FILIP1: variants seen among roughly 807,000 people sequenced by gnomAD.
FILIP1 encodes filamin A interacting protein 1.
A neutral mutation model predicts 102.1 loss-of-function variants in FILIP1; 61 were observed. The ratio of observed to expected loss-of-function variants is 0.60; its 90% CI spans 0.49 to 0.74. FILIP1 has a LOEUF of 0.74. Ranked by LOEUF, FILIP1 falls within the 30% of genes least tolerant of loss-of-function variation. The pLI is 0.00. For missense variants in FILIP1, 1,314 were observed against 1,441.2 expected (o/e 0.91, Z 1.43); for synonymous variants, 491 against 526.9 (o/e 0.93, Z 0.93).
At chr6:75,319,370 A>T in intron 4 of FILIP1, 1 of 628,082 alleles carries the variant, frequency 1.6e-6, no homozygotes, top group African/African-American at 1.8e-5. Context: ...AGGCCGAAGG[A>T]GAGCTCTTGG....
At chr6:75,457,775 A>G (rs1044598290) in intron 1 of FILIP1, among the ~76,000 whole-genome samples, 1 of 152,182 alleles carries the variant, frequency 6.6e-6, no homozygotes, top group Non-Finnish European at 1.5e-5. Context: ...TCTTTTTTGA[A>G]TAGCTAGATC....
At chr6:75,492,348 T>C (rs1379073976) in intron 1 of FILIP1, among the ~76,000 whole-genome samples, 2 of 152,230 alleles carry the variant, frequency 1.3e-5, no homozygotes, top group Non-Finnish European at 2.9e-5. Flanking sequence ...TTTCTTTACA[T>C]TGATAGAATA....
At chr6:75,345,104 A>C (rs1774533082) in intron 4 of FILIP1, among the ~76,000 whole-genome samples, 1 of 152,206 alleles carries the variant, frequency 6.6e-6, no homozygotes, top group Admixed American at 6.5e-5. Flanking sequence ...AATAAGAGAT[A>C]TCAAACACCA....
intron 1 of FILIP1, among the ~76,000 whole-genome samples, chr6:75,427,160 A>G (rs1234120528): frequency 6.6e-6 from 1 of 152,194 alleles, no homozygotes; most frequent in East Asian, 1.9e-4. Flanking sequence ...CATGAATGTA[A>G]TAACAACAAA....
intron 1 of FILIP1, among the ~76,000 whole-genome samples, chr6:75,437,300 A>G (rs1037071539): frequency 6.6e-6 from 1 of 152,236 alleles, no homozygotes; most frequent in African/African-American, 2.4e-5. Flanking sequence ...CTAGGGAGAA[A>G]ATATGTGAGT....
At position 75,313,896 on chromosome 6, in the gene FILIP1, A is replaced by G; in HGVS notation, c.1936T>C (p.Leu646=). 1 of 1,613,864 alleles carries G rather than the reference A, an allele frequency of 6.2e-7. No individual in the cohort carries two copies. Among genetic ancestry groups the G allele is most frequent in the Non-Finnish European group, 8.5e-7 (1 of 1,179,950 alleles). Residue 646 remains leucine, a synonymous_variant, in exon 5 of 6, where the codon TTG becomes CTG. Transcript: ENST00000237172. This position sits in a 1 kb window ranked among gnomAD's most constrained non-coding sequence, Gnocchi z 4.2. The part of the protein sequence containing the change: ...IERLKKRLQQ[L]EVVEGDLMKT... ...ATCAAATCCCCTTCGACCACTTCCA[A>G]TTGTTGGAGACGTTTCTTCAGTCTC...
rs138728894 is a variant in FILIP1, at chr6:75,407,517, C to T, written c.276+7180G>A. 7.2e-3 allele frequency among the ~76,000 whole-genome samples: 1,101 copies of T among 152,318 alleles called. 9 individuals are homozygous for T. Among genetic ancestry groups the T allele is most frequent in the African/African-American group, 0.024 (1,002 of 41,572 alleles). On this transcript the variant is annotated intron_variant, in intron 2 of 5. Transcript: ENST00000237172. Reference sequence around the variant, plus strand: ...CTGGGATTACAGGCGTGAGCCACCGCGCCCGACCTTATAAATTATTTTTGA... The same window carrying T: ...CTGGGATTACAGGCGTGAGCCACCGTGCCCGACCTTATAAATTATTTTTGA...
chr6:75,337,590 A>G (rs1774286456), intron 4 of FILIP1, among the ~76,000 whole-genome samples: 1 of 152,024 alleles, frequency 6.6e-6, no homozygotes, highest in Non-Finnish European at 1.5e-5. Flanking sequence ...CAGAAATTCA[A>G]GAAGTGGATG....
At chr6:75,361,324 A>C (rs1775166466) in intron 3 of FILIP1, among the ~76,000 whole-genome samples, 1 of 152,196 alleles carries the variant, frequency 6.6e-6, no homozygotes, top group South Asian at 2.1e-4. Context: ...ATCCTGGGTA[A>C]GCGTGTATGC....
chr6:75,362,703 G>A (rs1775207026), intron 3 of FILIP1, 41 bp downstream of exon 3: 2 of 1,591,038 alleles, frequency 1.3e-6, no homozygotes, highest in Non-Finnish European at 1.7e-6. Context: ...ATATCTCCCT[G>A]AGGTTCCCAT....
chr6:75,482,392 C>T (rs1178230496), intron 1 of FILIP1, among the ~76,000 whole-genome samples: 1 of 152,208 alleles, frequency 6.6e-6, no homozygotes, highest in Non-Finnish European at 1.5e-5. Flanking sequence ...TGCTTTACCA[C>T]TTGTAGAGGA....
At chr6:75,418,628 G>A (rs1777349982) in intron 1 of FILIP1, among the ~76,000 whole-genome samples, 1 of 152,154 alleles carries the variant, frequency 6.6e-6, no homozygotes, top group South Asian at 2.1e-4. Context: ...TGATTGCATG[G>A]CTGCAAGTTT....
chr6:75,427,365 T>C (rs1480887407), intron 1 of FILIP1, among the ~76,000 whole-genome samples: 1 of 152,178 alleles, frequency 6.6e-6, no homozygotes, highest in Middle Eastern at 3.2e-3. Context: ...GGTTACAGTT[T>C]TATAAACTAT....
chr6:75,372,671 AAGAAAGAAAGAAAGAGAAAGAAAG>A (rs1562514557), intron 2 of FILIP1, among the ~76,000 whole-genome samples: 50 of 65,490 alleles, frequency 7.6e-4, no homozygotes, highest in African/African-American at 3.8e-3. Context: ...GAAAGAAAGA[AAGAAAGAAAGAAAGAGAAAGAAAG>A]AGAAAGAAAG....
At chr6:75,292,486 A>G (rs371468308) in exon 7 of FILIP1, 2 of 152,368 alleles carry the variant, frequency 1.3e-5, no homozygotes, top group East Asian at 3.8e-4. Context: ...TTGTTATCAC[A>G]TTAGTATGGA....
At chr6:75,353,334 T>C (rs529821564) in intron 4 of FILIP1, among the ~76,000 whole-genome samples, 1 of 152,342 alleles carries the variant, frequency 6.6e-6, no homozygotes, top group South Asian at 2.1e-4. Context: ...GCCCTACCTA[T>C]ATGCAACCCC....
At chr6:75,337,050 G>A (rs1208949354) in intron 4 of FILIP1, among the ~76,000 whole-genome samples, 1 of 151,920 alleles carries the variant, frequency 6.6e-6, no homozygotes, top group Non-Finnish European at 1.5e-5. Flanking sequence ...TTAATTGGTT[G>A]CCCACCAAGG....
intron 4 of FILIP1, among the ~76,000 whole-genome samples, chr6:75,315,959 T>C (rs1773431022): frequency 6.6e-6 from 1 of 152,242 alleles, no homozygotes; most frequent in African/African-American, 2.4e-5. Flanking sequence ...AACACTGATT[T>C]ACATAAATTG....
At chr6:75,472,674 G>A (rs1349421642) in intron 1 of FILIP1, among the ~76,000 whole-genome samples, 1 of 152,094 alleles carries the variant, frequency 6.6e-6, no homozygotes, top group African/African-American at 2.4e-5. Flanking sequence ...ATTCATGAAT[G>A]TACTAATTTT....
Sources: allele counts gnomAD v4.1 joint callset (sites outside exome capture counted in the v4.1 genomes callset), GRCh38; gene constraint gnomAD v4.1.1; non-coding constraint Gnocchi (gnomAD v3.1); transcripts MANE v1.5; gene names NCBI Gene and HGNC (gene_info 2026-07-23, HGNC 2026-07-21).